DHRSX: variants seen among roughly 807,000 people sequenced by gnomAD.
DHRSX encodes polyprenol dehydrogenase.
DHRSX carries 31 observed loss-of-function variants against 34.0 expected under a neutral mutation model. The ratio of observed to expected loss-of-function variants is 0.91; its 90% CI spans 0.69 to 1.23. The LOEUF (loss-of-function observed/expected upper bound fraction) is 1.23, where lower values mean the gene tolerates loss of function less well. Among genes scored for constraint, DHRSX ranks in the 50% most tolerant of loss-of-function variants. DHRSX has a pLI of 0.00. For missense variants in DHRSX, 414 were observed against 428.1 expected, an observed-to-expected ratio of 0.97 and a Z score of 0.29; for synonymous variants, 201 against 183.8, an observed-to-expected ratio of 1.09 and a Z score of -0.76.
chrX:2,283,354 G>C, intron 4 of DHRSX, among the ~76,000 whole-genome samples: 1 of 152,238 alleles, frequency 6.6e-6, no homozygotes, highest in East Asian at 1.9e-4. Flanking sequence ...GGAACAGAAA[G>C]CTACTCTATC....
At chrX:2,378,796 G>A (rs927791311) in intron 3 of DHRSX, among the ~76,000 whole-genome samples, 4 of 151,688 alleles carry the variant, frequency 2.6e-5, no homozygotes, top group Admixed American at 6.6e-5. Flanking sequence ...TCAGCCCCCC[G>A]AGTAGCTGGG....
At chrX:2,284,118 A>T (rs2041772584) in intron 4 of DHRSX, among the ~76,000 whole-genome samples, 1 of 152,134 alleles carries the variant, frequency 6.6e-6, no homozygotes, top group Non-Finnish European at 1.5e-5. Flanking sequence ...CCTTGAATTC[A>T]TTCAGATTCA....
chrX:2,229,465 T>C (rs2015813075), intron 6 of DHRSX, among the ~76,000 whole-genome samples: 1 of 152,080 alleles, frequency 6.6e-6, no homozygotes, highest in African/African-American at 2.4e-5. Flanking sequence ...TACCTGCTGC[T>C]TGCTCCTTCT....
rs779833158 is a variant in DHRSX, at chrX:2,479,499, G to A, written c.109+21318C>T. Among the ~76,000 whole-genome samples, 5 of 149,942 alleles carry A rather than the reference G, an allele frequency of 3.3e-5. No homozygotes were observed. In the South Asian group the frequency reaches 1.1e-3, roughly 32 times the overall value. On this transcript the variant is annotated intron_variant, in intron 1 of 6. Coordinates refer to ENST00000334651, the MANE Select transcript of DHRSX (RefSeq NM_145177.3). ...ATGTGGCTACGGGACCACCGTGTAC[G>A]CACTGAAGACATTCCGTAAGAATGC...
At chrX:2,343,381 C>T (rs2042663868) in intron 3 of DHRSX, among the ~76,000 whole-genome samples, 1 of 151,166 alleles carries the variant, frequency 6.6e-6, no homozygotes, top group Non-Finnish European at 1.5e-5. Context: ...ACATAAGTGA[C>T]TCCACCTTAG....
At chrX:2,495,806 C>T (rs1490631730) in intron 1 of DHRSX, among the ~76,000 whole-genome samples, 1 of 152,068 alleles carries the variant, frequency 6.6e-6, no homozygotes, top group African/African-American at 2.4e-5. Context: ...CTCCCCAAAA[C>T]GCTCTCAGGG....
chrX:2,309,483 GA>G (rs1168049077), intron 3 of DHRSX, among the ~76,000 whole-genome samples: 6 of 151,888 alleles, frequency 4.0e-5, no homozygotes, highest in Admixed American at 2.6e-4. Flanking sequence ...TTAATACTAA[GA>G]AAAAAATTTC....
intron 6 of DHRSX, among the ~76,000 whole-genome samples, chrX:2,224,581 GGAT>G (rs1246769856): frequency 2.6e-5 from 4 of 152,074 alleles, no homozygotes; most frequent in Non-Finnish European, 5.9e-5. Context: ...AAGTTCTATT[GGAT>G]GATTTTTTTT....
At chrX:2,451,749 G>A (rs773098875) in intron 1 of DHRSX, among the ~76,000 whole-genome samples, 3 of 152,300 alleles carry the variant, frequency 2.0e-5, no homozygotes, top group Non-Finnish European at 2.9e-5. Flanking sequence ...AGGGTGAAAA[G>A]GACACAGACA....
rs558952081 is a variant in DHRSX, at chrX:2,237,607, C to T, written c.804+5416G>A. ...CACAATTTCCGCCCCCGGGTTCAAG[C>T]GATTCTCCTGCCTCAGCCTCCTGAG... On this transcript the variant is annotated intron_variant, in intron 6 of 6. Transcript: ENST00000334651. Among the ~76,000 whole-genome samples the T allele has an allele frequency of 2.4e-4, 37 of 151,708 alleles. 1 individual carries two copies. Among genetic ancestry groups the T allele is most frequent in the African/African-American group, 8.7e-4 (36 of 41,336 alleles).
At chrX:2,408,707 A>T (rs942506741) in intron 3 of DHRSX, 38 bp downstream of exon 3, 1 of 1,577,914 alleles carries the variant, frequency 6.3e-7, no homozygotes, top group Non-Finnish European at 8.6e-7. Context: ...CAAGGAAAAA[A>T]AAAAACAAAA....
intron 1 of DHRSX, among the ~76,000 whole-genome samples, chrX:2,483,054 G>A (rs2044798009): frequency 7.0e-6 from 1 of 143,678 alleles, no homozygotes; most frequent in Non-Finnish European, 1.6e-5. Context: ...AATCCTGGCA[G>A]AACAAGCACA....
At chrX:2,440,161 A>C (rs2044044501) in intron 1 of DHRSX, among the ~76,000 whole-genome samples, 1 of 152,108 alleles carries the variant, frequency 6.6e-6, no homozygotes, top group African/African-American at 2.4e-5. Context: ...CTGTACCCAC[A>C]CAAAGAAGAG....
intron 3 of DHRSX, among the ~76,000 whole-genome samples, chrX:2,382,464 A>G (rs2043213117): frequency 6.6e-6 from 1 of 151,790 alleles, no homozygotes; most frequent in Admixed American, 6.6e-5. Flanking sequence ...CACTATCACC[A>G]CCATCACCAA....
intron 4 of DHRSX, among the ~76,000 whole-genome samples, chrX:2,273,286 T>C (rs1245408744): frequency 1.3e-5 from 2 of 152,136 alleles, no homozygotes; most frequent in African/African-American, 2.4e-5. Flanking sequence ...CAACTCACAA[T>C]TGCAAACATA....
intron 3 of DHRSX, among the ~76,000 whole-genome samples, chrX:2,365,924 C>A (rs2042989677): frequency 6.6e-6 from 1 of 152,100 alleles, no homozygotes; most frequent in South Asian, 2.1e-4. Context: ...TGAACTAGTT[C>A]TAGGAACAGT....
At position 2,282,864 on chromosome X, in the gene DHRSX, A is replaced by AGAGAGAGGGG. The variant is rs2041743372; in HGVS notation, c.388+8628_388+8637dup. Among the ~76,000 whole-genome samples, 3 of 113,212 alleles carry AGAGAGAGGGG rather than the reference A, an allele frequency of 2.6e-5. No individual in the cohort carries two copies. In the South Asian group the frequency reaches 9.7e-4, roughly 37 times the overall value. 74.3% of individuals were successfully genotyped at this position (113,212 alleles called of 152,430 possible). On this transcript the variant is annotated intron_variant, in intron 4 of 6. Coordinates refer to ENST00000334651, the MANE Select transcript of DHRSX (RefSeq NM_145177.3). ...AGGGAGAGAGAGAAGGGAGAAGGGGAGAGAGAGGGGGAGAGAGGGAGGGAG... is the reference window on the plus strand; with the variant it reads ...AGGGAGAGAGAGAAGGGAGAAGGGGAGAGAGAGGGGGAGAGAGGGGGAGAGAGGGAGGGAG...
At chrX:2,352,367 A>G (rs2042798690) in intron 3 of DHRSX, among the ~76,000 whole-genome samples, 4 of 152,148 alleles carry the variant, frequency 2.6e-5, no homozygotes, top group South Asian at 2.1e-4. Flanking sequence ...CAAGCAGATT[A>G]TGGTTAAACT....
chrX:2,246,748 G>GAAAGAA (rs776138629), intron 5 of DHRSX, among the ~76,000 whole-genome samples: 8,047 of 103,204 alleles, frequency 0.078, 252 homozygotes, highest in Middle Eastern at 0.12. Flanking sequence ...AAGAAAGAAA[G>GAAAGAA]AAAAAGAAAG....
Sources: gnomAD v4.1 joint callset for allele counts (sites outside exome capture counted in the v4.1 genomes callset) on GRCh38, gnomAD v4.1.1 for gene constraint, MANE v1.5 for transcripts, NCBI Gene and HGNC (gene_info 2026-07-23, HGNC 2026-07-21) for gene names.